Variants in RALYL observed in about 807,000 individuals in gnomAD.
RALYL encodes RALY RNA binding protein like, also known as RNA-binding Raly-like protein.
A neutral mutation model predicts 35.1 loss-of-function variants in RALYL; 29 were observed. That is an observed-to-expected ratio of 0.83 (90% CI 0.61 to 1.13). The LOEUF is 1.13. RALYL is among the 50% of genes most tolerant of loss of function. The pLI is 0.00. For synonymous variants in RALYL, 120 were observed against 127.6 expected (o/e 0.94, Z 0.40); for missense variants, 359 against 360.4 (o/e 1.00, Z 0.03).
chr8:84,734,282 A>C (rs887759668), intron 2 of RALYL, among the ~76,000 whole-genome samples: 37 of 152,286 alleles, frequency 2.4e-4, no homozygotes, highest in African/African-American at 8.4e-4. Flanking sequence ...GAGTGGAAAA[A>C]ATAAATATCT....
intron 4 of RALYL, among the ~76,000 whole-genome samples, chr8:84,817,615 G>C (rs190944067): frequency 2.6e-5 from 4 of 151,710 alleles, no homozygotes; most frequent in Non-Finnish European, 5.9e-5. Flanking sequence ...GAGTGCAGTG[G>C]TGCAATCACA....
intron 1 of RALYL, among the ~76,000 whole-genome samples, chr8:84,526,418 T>C (rs1329484366): frequency 1.3e-5 from 2 of 152,200 alleles, no homozygotes; most frequent in East Asian, 3.9e-4. Flanking sequence ...AGGCTCACCC[T>C]TCTGATGCCT....
chr8:84,188,708 C>T (rs1262658731), intron 1 of RALYL, among the ~76,000 whole-genome samples: 8 of 151,898 alleles, frequency 5.3e-5, no homozygotes, highest in Admixed American at 2.6e-4. Context: ...CATCACCCTT[C>T]CTTTTATTAT....
intron 1 of RALYL, among the ~76,000 whole-genome samples, chr8:84,321,527 G>T (rs1435536187): frequency 6.6e-6 from 1 of 152,046 alleles, no homozygotes; most frequent in Non-Finnish European, 1.5e-5. Context: ...TGGTGGGGAG[G>T]TCATTGTATT....
At chr8:84,467,012 A>G (rs1440849632) in intron 1 of RALYL, among the ~76,000 whole-genome samples, 1 of 151,664 alleles carries the variant, frequency 6.6e-6, no homozygotes, top group African/African-American at 2.4e-5. Flanking sequence ...TTTTTATTGC[A>G]TCTGTTTGAT....
At chr8:84,433,183 T>C (rs2047326822) in intron 1 of RALYL, among the ~76,000 whole-genome samples, 1 of 152,110 alleles carries the variant, frequency 6.6e-6, no homozygotes, top group Non-Finnish European at 1.5e-5. Flanking sequence ...ACAGTGTTCT[T>C]GTGTAGTCCT....
chr8:84,303,916 A>T (rs1841288272), intron 1 of RALYL, among the ~76,000 whole-genome samples: 2 of 152,170 alleles, frequency 1.3e-5, no homozygotes, highest in South Asian at 4.1e-4. Context: ...TTGGAATTCT[A>T]TTGATAAAAT....
intron 2 of RALYL, among the ~76,000 whole-genome samples, chr8:84,615,223 C>A (rs1819203049): frequency 6.6e-6 from 1 of 151,384 alleles, no homozygotes; most frequent in Non-Finnish European, 1.5e-5. Context: ...ACTGAGTTTA[C>A]CTAATTTAGC....
intron 1 of RALYL, among the ~76,000 whole-genome samples, chr8:84,207,155 C>T (rs959433): frequency 0.23 from 35,122 of 151,910 alleles, 4,161 homozygotes; most frequent in Non-Finnish European, 0.27. Context: ...ATCCAACAAT[C>T]CCACTTTGGG....
At chr8:84,199,282 T>A (rs1203371643) in intron 1 of RALYL, among the ~76,000 whole-genome samples, 1 of 146,270 alleles carries the variant, frequency 6.8e-6, no homozygotes, top group Non-Finnish European at 1.5e-5. Flanking sequence ...CCTTTTCATA[T>A]GCCTGTTTTC....
intron 2 of RALYL, among the ~76,000 whole-genome samples, chr8:84,535,202 G>T (rs934952499): frequency 2.6e-5 from 4 of 152,136 alleles, no homozygotes; most frequent in Non-Finnish European, 4.4e-5. Flanking sequence ...AAAGCACAGA[G>T]AAATGAACTT....
intron 2 of RALYL, among the ~76,000 whole-genome samples, chr8:84,567,372 C>A (rs533851503): frequency 7.2e-5 from 11 of 151,852 alleles, no homozygotes; most frequent in African/African-American, 2.7e-4. Flanking sequence ...ACCACCCTCC[C>A]TTTTTGGAGT....
At chr8:84,324,779 C>T (rs16912690) in intron 1 of RALYL, among the ~76,000 whole-genome samples, 7 of 152,050 alleles carry the variant, frequency 4.6e-5, no homozygotes, top group African/African-American at 9.6e-5. Context: ...TATCACTTGA[C>T]GAATCAGGTT....
In RALYL at chr8:84,890,801, CAAA is replaced by C. The variant is rs10584780; in HGVS notation, c.858+3033_858+3035del. Among the ~76,000 whole-genome samples, 4 of 142,916 alleles carry C rather than the reference CAAA, an allele frequency of 2.8e-5. No individual in the cohort carries two copies. The East Asian group carries it at 7.9e-4, about 28-fold the overall frequency. The allele number at this position is 142,916 out of a possible 152,430, so 93.8% of individuals were successfully genotyped here. ...AAAGTTGCATTTTTGTCAGATAGTG[CAAA>C]AAAAAAACAATAAATAAAAGGAGTT... On this transcript the variant is annotated intron_variant, in intron 8 of 8. Transcript: ENST00000521268.
At chr8:84,595,383 G>C (rs1396110924) in intron 2 of RALYL, among the ~76,000 whole-genome samples, 1 of 152,070 alleles carries the variant, frequency 6.6e-6, no homozygotes, top group Admixed American at 6.6e-5. Flanking sequence ...ATCTCAAAGT[G>C]AACAGCTCAC....
intron 2 of RALYL, among the ~76,000 whole-genome samples, chr8:84,671,203 A>G (rs775835524): frequency 4.6e-5 from 7 of 152,144 alleles, no homozygotes; most frequent in Non-Finnish European, 8.8e-5. Context: ...TGCTGATGCA[A>G]GAGGTGGGCT....
Position 84,770,431 on chromosome 8 carries a change from T to C in RALYL, c.257-4148T>C, listed in dbSNP as rs967225800. Among the ~76,000 whole-genome samples the C allele has an allele frequency of 2.6e-5, 4 of 152,106 alleles. No homozygotes were observed. In the South Asian group the frequency reaches 8.3e-4, roughly 31 times the overall value. On this transcript the variant is annotated intron_variant, in intron 2 of 8. Coordinates refer to ENST00000521268, the MANE Select transcript of RALYL (RefSeq NM_173848.7). ...TCATATATATATACACACCATAATT[T>C]CTTTATTCACTTGCTGATTGATGGG... is the stretch of plus-strand genomic sequence containing the variant.
intron 2 of RALYL, among the ~76,000 whole-genome samples, chr8:84,620,155 G>T (rs1329862513): frequency 4.6e-5 from 7 of 152,084 alleles, no homozygotes; most frequent in Admixed American, 4.6e-4. Context: ...TGCTAGATTG[G>T]GGAAGTTCTC....
At chr8:84,425,025 G>T in intron 1 of RALYL, among the ~76,000 whole-genome samples, 1 of 152,178 alleles carries the variant, frequency 6.6e-6, no homozygotes, top group Middle Eastern at 3.2e-3. Context: ...CCTGCCCCCA[G>T]AGGTGGAGCC....
Sources: allele counts gnomAD v4.1 joint callset (sites outside exome capture counted in the v4.1 genomes callset), GRCh38; gene constraint gnomAD v4.1.1; transcripts MANE v1.5; gene names NCBI Gene and HGNC (gene_info 2026-07-23, HGNC 2026-07-21).